The following ALK variants were observed in gnomAD, a reference collection of about 807,000 sequenced individuals.
ALK encodes ALK receptor tyrosine kinase.
ALK carries 74 observed loss-of-function variants against 163.1 expected under a neutral mutation model. The observed-to-expected ratio is 0.45, with a 90% CI of 0.38 to 0.55. ALK has a LOEUF of 0.55. ALK is among the 20% of genes least tolerant of loss of function. ALK has a pLI of 0.00. For missense variants in ALK, 2,063 were observed against 2,105.3 expected (o/e 0.98, Z 0.39); for synonymous variants, 960 against 843.2 (o/e 1.14, Z -2.40).
At chr2:29,757,812 G>C (rs537931128) in intron 1 of ALK, among the ~76,000 whole-genome samples, 40 of 152,148 alleles carry the variant, frequency 2.6e-4, no homozygotes, top group African/African-American at 9.6e-4. Flanking sequence ...GCTGTTGTTT[G>C]TTTATACCAG....
chr2:29,638,614 T>C (rs1676613705), intron 3 of ALK, among the ~76,000 whole-genome samples: 1 of 152,144 alleles, frequency 6.6e-6, no homozygotes, highest in Admixed American at 6.5e-5. Context: ...TCCTTTCTCT[T>C]CTGCCTGCCT....
rs1389708232 is a variant in ALK, at chr2:29,694,905, G to C, written c.897C>G (p.Ser299=). The C allele has an allele frequency of 6.2e-7, 1 of 1,613,992 alleles. No individual in the cohort carries two copies. Among genetic ancestry groups the C allele is most frequent in the Non-Finnish European group, 8.5e-7 (1 of 1,180,000 alleles). ...SWRRIPSEEA[S]QMDLLDGPGA... ...CAGGCCCATCCAGCAAGTCCATCTG[G>C]GAGGCCTCCTCGGAGGGGATGCGGC... The change falls in exon 3 of 29, where the codon TCC becomes TCG. Residue 299 remains serine, a synonymous_variant. Coordinates refer to ENST00000389048, the MANE Select transcript of ALK (RefSeq NM_004304.5).
chr2:29,643,062 G>T (rs958906525), intron 3 of ALK, among the ~76,000 whole-genome samples: 1 of 152,070 alleles, frequency 6.6e-6, no homozygotes, highest in African/African-American at 2.4e-5. Flanking sequence ...AGATTTAAAA[G>T]AGACAGAGAT....
Position 29,316,943 on chromosome 2 carries a change from T to A in ALK, c.1647+1361A>T, listed in dbSNP as rs543368974. ...GGAGTAAGCTGCTACAAATTGCATA[T>A]CACAAAGTCCCATTTGCTTGCCAAG... On this transcript the variant is annotated intron_variant, in intron 8 of 28. Transcript: ENST00000389048. Among the ~76,000 whole-genome samples, 3 of 152,342 alleles carry A rather than the reference T, an allele frequency of 2.0e-5. No individual in the cohort carries two copies. In the South Asian group the frequency reaches 6.2e-4, roughly 32 times the overall value.
Position 29,203,485 on chromosome 2 carries a change from C to CTTT in ALK, c.3938+3683_3938+3685dup, listed in dbSNP as rs1156462365. On this transcript the variant is annotated intron_variant, in intron 26 of 28. Transcript: ENST00000389048. The stretch of plus-strand genomic sequence containing the variant: ...TATCACCATTGGCCTGAGGATGTGC[C>CTTT]TTTTTTTTTTTTTTTTTTTTTTTTT... 1.4e-3 allele frequency among the ~76,000 whole-genome samples: 45 copies of CTTT among 32,522 alleles called. 13 individuals are homozygous for CTTT. The highest frequency in any genetic ancestry group is 4.3e-3 in the South Asian group (2 of 466). The allele number at this position is 32,522 out of a possible 152,430, so 21.3% of individuals were successfully genotyped here.
intron 4 of ALK, among the ~76,000 whole-genome samples, chr2:29,489,690 T>C (rs1010668613): frequency 1.3e-5 from 2 of 152,204 alleles, no homozygotes; most frequent in South Asian, 2.1e-4. Context: ...AGCAGTGTTT[T>C]ACAGTGAACT....
At chr2:29,202,108 C>G (rs1669196562) in intron 26 of ALK, among the ~76,000 whole-genome samples, 1 of 152,200 alleles carries the variant, frequency 6.6e-6, no homozygotes, top group Non-Finnish European at 1.5e-5. Flanking sequence ...GCTCCCTTAG[C>G]TCCGACCATC....
chr2:29,466,685 T>C (rs1054355708), intron 4 of ALK, among the ~76,000 whole-genome samples: 1 of 152,176 alleles, frequency 6.6e-6, no homozygotes, highest in South Asian at 2.1e-4. Context: ...TTCTCAATGG[T>C]GTGTCATATG....
chr2:29,255,244 G>C (rs1016112756), intron 11 of ALK, among the ~76,000 whole-genome samples: 1 of 152,148 alleles, frequency 6.6e-6, no homozygotes, highest in African/African-American at 2.4e-5. Context: ...TCTCATGTGT[G>C]GGCTGCTCCA....
intron 5 of ALK, among the ~76,000 whole-genome samples, chr2:29,340,069 G>A (rs1294129253): frequency 1.3e-5 from 2 of 151,974 alleles, no homozygotes. Flanking sequence ...TCATTGCTTT[G>A]CTGAAAACAC....
rs1670165721 is a variant in ALK at position 29,427,167 on chromosome 2, A to AG, written c.1155-43309dup. On this transcript the variant is annotated intron_variant, in intron 4 of 28. Transcript: ENST00000389048. ...AACCGCACAAAGGATTGGGGGGGGCAGAAAAGGCATACTTGAGTAAGGAAA... is the reference window on the plus strand; with the variant it reads ...AACCGCACAAAGGATTGGGGGGGGCAGGAAAAGGCATACTTGAGTAAGGAAA... Among the ~76,000 whole-genome samples the AG allele has an allele frequency of 2.0e-5, 3 of 148,628 alleles. No individual in the cohort carries two copies. In the East Asian group the frequency reaches 6.1e-4, roughly 30 times the overall value.
intron 23 of ALK, 40 bp downstream of exon 23, chr2:29,220,666 C>G (rs767909610): frequency 1.9e-5 from 31 of 1,612,542 alleles, no homozygotes; most frequent in Non-Finnish European, 2.4e-5. Flanking sequence ...TGCTCCTGTC[C>G]TTGGCACAAC....
At chr2:29,766,334 T>C (rs1680861710) in intron 1 of ALK, among the ~76,000 whole-genome samples, 1 of 152,206 alleles carries the variant, frequency 6.6e-6, no homozygotes, top group South Asian at 2.1e-4. Context: ...CTGCTTAGGA[T>C]CTTCCAGTCC....
At chr2:29,232,266 G>A (rs758330066) in intron 15 of ALK, 38 bp downstream of exon 15, 8 of 1,613,684 alleles carry the variant, frequency 5.0e-6, no homozygotes, top group Admixed American at 1.7e-5. Context: ...GAAGGCCTGG[G>A]AGAGGTTCTG....
At chr2:29,321,980 A>G (rs2148252185) in intron 6 of ALK, among the ~76,000 whole-genome samples, 1 of 152,330 alleles carries the variant, frequency 6.6e-6, no homozygotes, top group East Asian at 1.9e-4. Context: ...AGGGTGAGGG[A>G]GAGAGCTCAC....
chr2:29,576,796 C>T (rs978853189), intron 3 of ALK, among the ~76,000 whole-genome samples: 12 of 151,918 alleles, frequency 7.9e-5, no homozygotes, highest in Non-Finnish European at 1.2e-4. Context: ...ACTGCACATT[C>T]GGGGGATCTA....
rs1285465650 is a variant in ALK, at chr2:29,510,784, G to GT, written c.1154+21130dup. 9.2e-5 allele frequency among the ~76,000 whole-genome samples: 14 copies of GT among 152,308 alleles called. No homozygotes were observed. In the East Asian group the frequency reaches 2.7e-3, roughly 29 times the overall value. Reference sequence around the variant, plus strand: ...GGAGTTTTATTTTGTGGTCTAGACAGTTTTACAGAGTTGAGAGAGGAAGAG... The same window carrying GT: ...GGAGTTTTATTTTGTGGTCTAGACAGTTTTTACAGAGTTGAGAGAGGAAGAG... On this transcript the variant is annotated intron_variant, in intron 4 of 28. Transcript: ENST00000389048.
intron 3 of ALK, among the ~76,000 whole-genome samples, chr2:29,647,658 C>G (rs905710472): frequency 6.6e-6 from 1 of 152,116 alleles, no homozygotes; most frequent in African/African-American, 2.4e-5. Context: ...CCTGATTAAG[C>G]CCGTCCATAC....
chr2:29,825,258 T>A (rs1665165381), intron 1 of ALK, among the ~76,000 whole-genome samples: 1 of 152,236 alleles, frequency 6.6e-6, no homozygotes. Flanking sequence ...GAAAATAGAC[T>A]AATACATCTG....
Sources: allele counts gnomAD v4.1 joint callset (sites outside exome capture counted in the v4.1 genomes callset), GRCh38; gene constraint gnomAD v4.1.1; transcripts MANE v1.5; gene names NCBI Gene and HGNC (gene_info 2026-07-23, HGNC 2026-07-21).